Variants in SAMD12 observed in about 807,000 individuals in gnomAD.
SAMD12 encodes the protein sterile alpha motif domain-containing protein 12.
In SAMD12, 9 loss-of-function variants were observed where a neutral mutation model predicts 15.0. The ratio of observed to expected loss-of-function variants is 0.60; its 90% CI spans 0.36 to 1.05. SAMD12 has a LOEUF of 1.05. SAMD12 is among the 50% of genes least tolerant of loss of function. SAMD12 has a pLI of 0.01. For missense variants in SAMD12, 230 were observed against 234.2 expected (o/e 0.98, Z 0.12); for synonymous variants, 86 against 90.1 (o/e 0.96, Z 0.25).
At chr8:118,380,238 C>T (rs1181754538) in intron 3 of SAMD12, among the ~76,000 whole-genome samples, 1 of 152,210 alleles carries the variant, frequency 6.6e-6, no homozygotes, top group Non-Finnish European at 1.5e-5. Flanking sequence ...AGGCAACTGA[C>T]ACTCCTGCTG....
At chr8:118,438,279 C>T (rs1291365307) in intron 3 of SAMD12, among the ~76,000 whole-genome samples, 2 of 152,148 alleles carry the variant, frequency 1.3e-5, no homozygotes, top group Non-Finnish European at 2.9e-5. Context: ...GGATTTTACT[C>T]TCTTGTTTGT....
At chr8:118,136,148 G>A in the SAMD12 span, among the ~76,000 whole-genome samples, 1 of 152,080 alleles carries the variant, frequency 6.6e-6, no homozygotes, top group African/African-American at 2.4e-5. Context: ...TCCTGCCTCA[G>A]CCTCCTGAGT....
chr8:118,200,234 C>T (rs986996625), intron 4 of SAMD12, among the ~76,000 whole-genome samples: 6 of 151,918 alleles, frequency 3.9e-5, no homozygotes, highest in Admixed American at 1.3e-4. Flanking sequence ...AACAGCAGAA[C>T]GACAACAAAC....
intron 4 of SAMD12, among the ~76,000 whole-genome samples, chr8:118,337,568 A>G (rs1817146325): frequency 6.6e-6 from 1 of 152,224 alleles, no homozygotes; most frequent in African/African-American, 2.4e-5. Flanking sequence ...ATAAGTTTTA[A>G]GTTACATACC....
intron 4 of SAMD12, among the ~76,000 whole-genome samples, chr8:118,283,278 T>C (rs1038674617): frequency 1.3e-5 from 2 of 152,224 alleles, no homozygotes; most frequent in Non-Finnish European, 2.9e-5. Flanking sequence ...AACGTATTAA[T>C]GGCACCTTTT....
At chr8:118,145,261 G>A in the SAMD12 span, among the ~76,000 whole-genome samples, 28 of 152,134 alleles carry the variant, frequency 1.8e-4, 1 homozygote, top group African/African-American at 6.5e-4. Flanking sequence ...TTATATATTT[G>A]GCATAAATCC....
intron 3 of SAMD12, among the ~76,000 whole-genome samples, chr8:118,399,641 C>T (rs758203819): frequency 1.3e-5 from 2 of 152,200 alleles, no homozygotes; most frequent in Non-Finnish European, 2.9e-5. Context: ...GGCTGAATCA[C>T]AGCCCAACTT....
chr8:118,315,402 C>T (rs1815843156), intron 4 of SAMD12, among the ~76,000 whole-genome samples: 1 of 152,094 alleles, frequency 6.6e-6, no homozygotes, highest in Non-Finnish European at 1.5e-5. Context: ...TAGCTTCCCC[C>T]AGATCTCCTA....
chr8:118,478,480 G>A (rs1285883155), intron 2 of SAMD12, among the ~76,000 whole-genome samples: 1 of 152,230 alleles, frequency 6.6e-6, no homozygotes, highest in African/African-American at 2.4e-5. Context: ...CCAAGGAAAG[G>A]GAGGGAGTGT....
At chr8:118,479,352 T>A (rs755963580) in intron 2 of SAMD12, among the ~76,000 whole-genome samples, 6 of 152,208 alleles carry the variant, frequency 3.9e-5, no homozygotes, top group Non-Finnish European at 5.9e-5. Context: ...TTGGATGGAC[T>A]CACAGTTCCA....
At chr8:118,219,253 C>G (rs1370843696) in intron 4 of SAMD12, among the ~76,000 whole-genome samples, 3 of 152,186 alleles carry the variant, frequency 2.0e-5, no homozygotes, top group Admixed American at 2.0e-4. Flanking sequence ...GCCTTCTGTT[C>G]ACATCTAGAC....
At position 118,378,967 on chromosome 8, in the gene SAMD12, C is replaced by T; in HGVS notation, c.*450G>A. The T allele has an allele frequency of 1.0e-6, 1 of 961,456 alleles. No homozygotes were observed. 59.6% of individuals were successfully genotyped at this position (961,456 alleles called of 1,614,324 possible). On this transcript the variant is annotated 3_prime_UTR_variant, in exon 4 of 4. Transcript: ENST00000314727. ...ACTATAGTCTATTATAAAAATTATT[C>T]CACTTTCAAGAAGCTAAATGGGGTT...
At chr8:118,339,095 G>A (rs568556030) in intron 4 of SAMD12, among the ~76,000 whole-genome samples, 4 of 152,284 alleles carry the variant, frequency 2.6e-5, no homozygotes, top group African/African-American at 4.8e-5. Context: ...GGAGGCTGAG[G>A]TGTGAGGATT....
At chr8:118,558,856 C>A (rs1228557293) in intron 2 of SAMD12, among the ~76,000 whole-genome samples, 1 of 151,926 alleles carries the variant, frequency 6.6e-6, no homozygotes, top group Non-Finnish European at 1.5e-5. Context: ...CGCGCCCGGC[C>A]GACACTGAGC....
intron 1 of SAMD12, among the ~76,000 whole-genome samples, chr8:118,596,141 T>C (rs139635323): frequency 1.9e-3 from 291 of 152,322 alleles, no homozygotes; most frequent in African/African-American, 5.9e-3. Flanking sequence ...ACACACACTT[T>C]GTTTACACAG....
intron 4 of SAMD12, among the ~76,000 whole-genome samples, chr8:118,261,864 C>T (rs977546083): frequency 2.0e-5 from 3 of 151,142 alleles, no homozygotes; most frequent in Admixed American, 2.0e-4. Flanking sequence ...TTTGCAATTT[C>T]TTTTCTTTTT....
chr8:118,456,047 G>T (rs1433261507), intron 2 of SAMD12, among the ~76,000 whole-genome samples: 3 of 151,996 alleles, frequency 2.0e-5, no homozygotes, highest in African/African-American at 7.3e-5. Context: ...AACCTGATTG[G>T]GTCCTTCAGT....
chr8:118,283,331 A>G (rs879660218), intron 4 of SAMD12, among the ~76,000 whole-genome samples: 12 of 152,152 alleles, frequency 7.9e-5, no homozygotes, highest in Admixed American at 2.0e-4. Flanking sequence ...AACCTCTCCT[A>G]TGAGGTCAGA....
At chr8:118,258,611 C>A (rs1813006922) in intron 4 of SAMD12, among the ~76,000 whole-genome samples, 1 of 151,984 alleles carries the variant, frequency 6.6e-6, no homozygotes, top group Admixed American at 6.6e-5. Flanking sequence ...GATCCATTAC[C>A]CCCCCTCATA....
Sources: gnomAD v4.1 joint callset for allele counts (sites outside exome capture counted in the v4.1 genomes callset) on GRCh38, gnomAD v4.1.1 for gene constraint, MANE v1.5 for transcripts, NCBI Gene and HGNC (gene_info 2026-07-23, HGNC 2026-07-21) for gene names.